The following CSGALNACT1 variants were observed in gnomAD, a reference collection of about 807,000 sequenced individuals.
The protein encoded by CSGALNACT1 is chondroitin sulfate N-acetylgalactosaminyltransferase 1.
A neutral mutation model predicts 51.0 loss-of-function variants in CSGALNACT1; 52 were observed. The observed-to-expected ratio is 1.02, with a 90% confidence interval of 0.82 to 1.29. The LOEUF (loss-of-function observed/expected upper bound fraction) is 1.29, where lower values mean the gene tolerates loss of function less well. Among genes scored for constraint, CSGALNACT1 ranks in the 50% most tolerant of loss-of-function variants. The pLI, the probability that CSGALNACT1 is intolerant of heterozygous loss-of-function variation, is 0.00. For synonymous variants in CSGALNACT1, 341 were observed against 254.4 expected (o/e 1.34, Z -3.24); for missense variants, 935 against 679.2 (o/e 1.38, Z -4.19).
intron 4 of CSGALNACT1, among the ~76,000 whole-genome samples, chr8:19,471,148 A>C (rs1024929698): frequency 2.0e-5 from 3 of 152,114 alleles, no homozygotes; most frequent in African/African-American, 7.2e-5. Flanking sequence ...GAGAAAAAAA[A>C]AGGTGAAGTA....
intron 1 of CSGALNACT1, among the ~76,000 whole-genome samples, chr8:19,730,635 G>C (rs1439499127): frequency 6.6e-6 from 1 of 152,176 alleles, no homozygotes; most frequent in East Asian, 1.9e-4. Context: ...GAGCTACAGG[G>C]GTGATGCCCA....
intron 1 of CSGALNACT1, among the ~76,000 whole-genome samples, chr8:19,662,431 CA>C (rs1554791480): frequency 6.6e-6 from 1 of 152,096 alleles, no homozygotes; most frequent in Non-Finnish European, 1.5e-5. Context: ...ACAATTACAA[CA>C]AGGTTTTATG....
intron 5 of CSGALNACT1, among the ~76,000 whole-genome samples, chr8:19,453,163 G>A (rs1280354526): frequency 6.6e-6 from 1 of 152,140 alleles, no homozygotes. Flanking sequence ...AAATGGGTCT[G>A]AAAGAAAATG....
intron 1 of CSGALNACT1, among the ~76,000 whole-genome samples, chr8:19,656,559 A>G (rs892996750): frequency 1.3e-5 from 2 of 151,234 alleles, no homozygotes; most frequent in Non-Finnish European, 2.9e-5. Flanking sequence ...GCATGCACAC[A>G]CACACAGTGA....
intron 2 of CSGALNACT1, among the ~76,000 whole-genome samples, chr8:19,600,400 T>G (rs540806062): frequency 3.2e-4 from 49 of 152,252 alleles, no homozygotes; most frequent in African/African-American, 1.1e-3. Context: ...TTTTGTAAAG[T>G]TTATTTTGAC....
At chr8:19,639,525 C>A (rs1434620405) in intron 1 of CSGALNACT1, among the ~76,000 whole-genome samples, 2 of 152,112 alleles carry the variant, frequency 1.3e-5, no homozygotes, top group African/African-American at 4.8e-5. Context: ...ACTAGGGTAC[C>A]CCCATCACTC....
intron 4 of CSGALNACT1, among the ~76,000 whole-genome samples, chr8:19,488,295 A>G (rs113573324): frequency 0.01 from 1,567 of 150,476 alleles, 28 homozygotes; most frequent in African/African-American, 0.036. Context: ...GATTGCAGTG[A>G]GCTGAGCTCA....
intron 3 of CSGALNACT1, among the ~76,000 whole-genome samples, chr8:19,553,902 A>AACACACACAC (rs34664028): frequency 0.14 from 20,689 of 147,216 alleles, 1,439 homozygotes; most frequent in Middle Eastern, 0.19. Context: ...GAACTCGTAG[A>AACACACACAC]ACACACACAC....
chr8:19,533,584 A>G (rs548290643), intron 3 of CSGALNACT1, among the ~76,000 whole-genome samples: 10 of 152,222 alleles, frequency 6.6e-5, no homozygotes, highest in African/African-American at 1.9e-4. Context: ...TAACCTTTCT[A>G]TGGCTCATAT....
At chr8:19,497,485 C>T (rs945042155) in intron 4 of CSGALNACT1, among the ~76,000 whole-genome samples, 2 of 152,146 alleles carry the variant, frequency 1.3e-5, no homozygotes, top group African/African-American at 4.8e-5. Context: ...ACAAAGCAAT[C>T]ATGAGAACCA....
chr8:19,746,239 G>T (rs1380266930), intron 1 of CSGALNACT1, among the ~76,000 whole-genome samples: 2 of 152,058 alleles, frequency 1.3e-5, no homozygotes, highest in South Asian at 4.1e-4. Context: ...AGCTCCTGGG[G>T]TCAGAATCCA....
chr8:19,684,941 G>A (rs888612335), upstream of CSGALNACT1, among the ~76,000 whole-genome samples: 1 of 152,126 alleles, frequency 6.6e-6, no homozygotes, highest in Non-Finnish European at 1.5e-5. Flanking sequence ...ACAAAACCTG[G>A]ATCCATCCCT....
intron 2 of CSGALNACT1, among the ~76,000 whole-genome samples, chr8:19,593,832 G>A (rs983096800): frequency 9.8e-5 from 15 of 152,298 alleles, no homozygotes; most frequent in African/African-American, 3.6e-4. Context: ...CTTGAGGGCT[G>A]GATGAGAGCC....
In CSGALNACT1 at chr8:19,448,543, G is replaced by A. The variant is rs142753172; in HGVS notation, c.852-8612C>T. Among the ~76,000 whole-genome samples, 408 of 152,242 alleles carry A rather than the reference G, an allele frequency of 2.7e-3. 1 individual carries two copies. The highest frequency in any genetic ancestry group is 9.4e-3 in the African/African-American group (392 of 41,540). ...ATATAATGCAGGATGGAATAACCAC[G>A]GTAACAGAGGTAAAATGAACTAAAA... On this transcript the variant is annotated intron_variant, in intron 5 of 9. Transcript: ENST00000454498.
At chr8:19,483,186 C>T (rs1418039691) in intron 4 of CSGALNACT1, among the ~76,000 whole-genome samples, 1 of 152,156 alleles carries the variant, frequency 6.6e-6, no homozygotes, top group Non-Finnish European at 1.5e-5. Context: ...GCTCTTTGTC[C>T]CTCTAGGCTG....
At chr8:19,661,966 T>A (rs1446136293) in intron 1 of CSGALNACT1, among the ~76,000 whole-genome samples, 1 of 151,606 alleles carries the variant, frequency 6.6e-6, no homozygotes, top group Non-Finnish European at 1.5e-5. Flanking sequence ...ATAGCAGTCA[T>A]TCCCCTTCCT....
At chr8:19,562,050 C>A (rs2040858574) in intron 3 of CSGALNACT1, among the ~76,000 whole-genome samples, 1 of 152,196 alleles carries the variant, frequency 6.6e-6, no homozygotes, top group Non-Finnish European at 1.5e-5. Flanking sequence ...CAAGCCTGCA[C>A]TGAGGCATCA....
rs566077504 is a variant in CSGALNACT1 at position 19,432,291 on chromosome 8, C to T, written c.953+7539G>A. On this transcript the variant is annotated intron_variant, in intron 6 of 9. Coordinates refer to ENST00000454498, the Ensembl canonical transcript of CSGALNACT1. ...TGAAAATGTTATCCCACTTTCTGGC[C>T]TCCATTGTTTCTGATGAGAATTCAG... Among the ~76,000 whole-genome samples, 4 of 152,222 alleles carry T rather than the reference C, an allele frequency of 2.6e-5. No individual in the cohort carries two copies. In the South Asian group the frequency reaches 8.3e-4, roughly 32 times the overall value.
intron 4 of CSGALNACT1, among the ~76,000 whole-genome samples, chr8:19,471,593 AGGGGTTCGACGCC>A (rs143621378): frequency 1.3e-5 from 2 of 152,226 alleles, no homozygotes; most frequent in Non-Finnish European, 2.9e-5. Flanking sequence ...GTGGACCTGT[AGGGGTTCGACGCC>A]GGTAACTCAG....
Sources: gnomAD v4.1 joint callset for allele counts (sites outside exome capture counted in the v4.1 genomes callset) on GRCh38, gnomAD v4.1.1 for gene constraint, MANE v1.5 for transcripts, NCBI Gene and HGNC (gene_info 2026-07-23, HGNC 2026-07-21) for gene names.